RSPO2: variants seen among roughly 807,000 people sequenced by gnomAD.
RSPO2 encodes the protein R-spondin 2.
A neutral mutation model predicts 30.9 loss-of-function variants in RSPO2; 14 were observed. The observed-to-expected ratio is 0.45, with a 90% CI of 0.30 to 0.71. RSPO2 has a LOEUF of 0.71. Among genes scored for constraint, RSPO2 ranks in the 30% least tolerant of loss-of-function variants. The probability of loss-of-function intolerance (pLI) is 0.08; values close to 1 mark genes in which losing one functional copy is unlikely to be tolerated. For synonymous variants in RSPO2, 107 were observed against 96.4 expected (o/e 1.11, Z -0.64); for missense variants, 264 against 301.9 (o/e 0.87, Z 0.93).
chr8:108,043,227 C>T (rs937222276), intron 2 of RSPO2, among the ~76,000 whole-genome samples: 2 of 151,962 alleles, frequency 1.3e-5, no homozygotes, highest in Admixed American at 6.6e-5. Flanking sequence ...CAATTTGTAG[C>T]GGGAAGTTTG....
At chr8:108,072,320 T>TA (rs2130726639) in intron 2 of RSPO2, among the ~76,000 whole-genome samples, 1 of 44,930 alleles carries the variant, frequency 2.2e-5, no homozygotes, top group Non-Finnish European at 3.6e-5. Flanking sequence ...GGCAGAGAAC[T>TA]TTTTTTTTTT....
intron 2 of RSPO2, among the ~76,000 whole-genome samples, chr8:108,004,519 T>C (rs1200928370): frequency 1.3e-5 from 2 of 152,176 alleles, no homozygotes; most frequent in Admixed American, 6.5e-5. Context: ...AGGAATGAAA[T>C]GAACAGTTTT....
intron 2 of RSPO2, chr8:108,073,120 T>C (rs1376268247): frequency 6.6e-6 from 1 of 152,218 alleles, no homozygotes; most frequent in Non-Finnish European, 1.5e-5. Context: ...TGAGGTCTTG[T>C]CAAAAGGAGA....
chr8:107,914,290 C>T (rs891448735), intron 5 of RSPO2, among the ~76,000 whole-genome samples: 2 of 151,924 alleles, frequency 1.3e-5, no homozygotes, highest in Non-Finnish European at 2.9e-5. Flanking sequence ...ATAAGATGGC[C>T]ACTGAATATT....
At chr8:107,996,405 C>T (rs1283588924) in intron 2 of RSPO2, among the ~76,000 whole-genome samples, 1 of 152,112 alleles carries the variant, frequency 6.6e-6, no homozygotes, top group African/African-American at 2.4e-5. Context: ...AGAAGTAGCC[C>T]CACACTACAA....
At chr8:108,064,133 T>A (rs374996690) in intron 2 of RSPO2, among the ~76,000 whole-genome samples, 2 of 152,072 alleles carry the variant, frequency 1.3e-5, no homozygotes, top group African/African-American at 4.8e-5. Context: ...GGACTTCATG[T>A]CTAAAACACC....
intron 2 of RSPO2, among the ~76,000 whole-genome samples, chr8:108,047,887 G>A (rs1811954550): frequency 6.6e-6 from 1 of 150,954 alleles, no homozygotes; most frequent in African/African-American, 2.4e-5. Context: ...GCAGCAGCCT[G>A]TGATCCTACT....
chr8:108,042,524 C>T (rs1222417900), intron 2 of RSPO2, among the ~76,000 whole-genome samples: 27 of 152,016 alleles, frequency 1.8e-4, no homozygotes, highest in Admixed American at 1.8e-3. Context: ...ATACCCGTGC[C>T]GTGCTCATTA....
At chr8:108,075,683 T>A (rs1318332780) in intron 2 of RSPO2, among the ~76,000 whole-genome samples, 1 of 151,770 alleles carries the variant, frequency 6.6e-6, no homozygotes, top group Non-Finnish European at 1.5e-5. Context: ...TACCTGTTTT[T>A]TTTTTTAATT....
intron 2 of RSPO2, among the ~76,000 whole-genome samples, chr8:108,022,962 G>C (rs1323096180): frequency 6.7e-6 from 1 of 148,200 alleles, no homozygotes; most frequent in Admixed American, 6.7e-5. Context: ...CACACTCACA[G>C]TAGTTGCATC....
intron 5 of RSPO2, among the ~76,000 whole-genome samples, chr8:107,937,506 T>C (rs1040667872): frequency 7.9e-5 from 12 of 151,688 alleles, no homozygotes; most frequent in Non-Finnish European, 1.6e-4. Flanking sequence ...AGTTATTAAG[T>C]GGTAGTCCTG....
At chr8:108,043,757 G>GTTC (rs1811826000) in intron 2 of RSPO2, among the ~76,000 whole-genome samples, 1 of 152,056 alleles carries the variant, frequency 6.6e-6, no homozygotes, top group South Asian at 2.1e-4. Context: ...GAATGTAAAA[G>GTTC]TTCTGCAGGC....
chr8:108,023,600 G>C (rs1811117539), intron 2 of RSPO2, among the ~76,000 whole-genome samples: 2 of 152,186 alleles, frequency 1.3e-5, no homozygotes, highest in Admixed American at 1.3e-4. Flanking sequence ...GAACAGAAAA[G>C]TGGGGTTACT....
chr8:107,923,001 C>T (rs1255522474), intron 5 of RSPO2, among the ~76,000 whole-genome samples: 1 of 152,042 alleles, frequency 6.6e-6, no homozygotes, highest in Non-Finnish European at 1.5e-5. Context: ...TGGGCAATAC[C>T]ATTCTGGACA....
At chr8:108,046,954 A>G (rs1811924007) in intron 2 of RSPO2, among the ~76,000 whole-genome samples, 1 of 152,224 alleles carries the variant, frequency 6.6e-6, no homozygotes, top group Non-Finnish European at 1.5e-5. Flanking sequence ...GTTGATTCCA[A>G]GTATCTGAAG....
chr8:107,969,526 T>C (rs1813926136), intron 3 of RSPO2, among the ~76,000 whole-genome samples: 1 of 152,152 alleles, frequency 6.6e-6, no homozygotes, highest in African/African-American at 2.4e-5. Flanking sequence ...TGTGTAAAAT[T>C]ATGTGGTCAA....
At chr8:107,946,705 G>A (rs982754842) in intron 5 of RSPO2, among the ~76,000 whole-genome samples, 2 of 152,156 alleles carry the variant, frequency 1.3e-5, no homozygotes, top group African/African-American at 4.8e-5. Flanking sequence ...TTGTATGCAT[G>A]TCCCTTTACT....
At chr8:107,920,032 C>A (rs1217636252) in intron 5 of RSPO2, among the ~76,000 whole-genome samples, 1 of 151,898 alleles carries the variant, frequency 6.6e-6, no homozygotes, top group African/African-American at 2.4e-5. Context: ...AGGGACAGGG[C>A]AAGACTTATC....
chr8:108,033,836 A>G (rs1322785143), intron 2 of RSPO2, among the ~76,000 whole-genome samples: 1 of 152,186 alleles, frequency 6.6e-6, no homozygotes, highest in African/African-American at 2.4e-5. Context: ...AAAAAATGCA[A>G]CACCAAGTTG....
Sources: gnomAD v4.1 joint callset for allele counts (sites outside exome capture counted in the v4.1 genomes callset) on GRCh38, gnomAD v4.1.1 for gene constraint, MANE v1.5 for transcripts, NCBI Gene and HGNC (gene_info 2026-07-23, HGNC 2026-07-21) for gene names.